KCNT1: variants seen among roughly 807,000 people sequenced by gnomAD.
The protein encoded by KCNT1 is potassium sodium-activated channel subfamily T member 1.
KCNT1 carries 78 observed loss-of-function variants against 147.8 expected under a neutral mutation model. The observed-to-expected ratio is 0.53, with a 90% confidence interval of 0.44 to 0.64. The LOEUF (loss-of-function observed/expected upper bound fraction) is 0.64, where lower values mean the gene tolerates loss of function less well. Among genes scored for constraint, KCNT1 ranks in the 30% least tolerant of loss-of-function variants. KCNT1 has a pLI of 0.00. For synonymous variants in KCNT1, 867 were observed against 748.8 expected (o/e 1.16, Z -2.58); for missense variants, 1,419 against 1,750.3 (o/e 0.81, Z 3.38).
At chr9:135,780,559 G>A (rs781257124) in intron 24 of KCNT1, among the ~76,000 whole-genome samples, 24 of 152,352 alleles carry the variant, frequency 1.6e-4, no homozygotes, top group Non-Finnish European at 3.1e-4. Flanking sequence ...GCCGGGCTGG[G>A]CAGCCACCAG....
At chr9:135,790,719 A>AG (rs1382574132) in intron 29 of KCNT1, 1 of 152,334 alleles carries the variant, frequency 6.6e-6, no homozygotes, top group Non-Finnish European at 1.5e-5. Context: ...GGCAGAGAGG[A>AG]GGGAATGGCA....
chr9:135,726,954 A>C (rs1050319523), intron 2 of KCNT1, among the ~76,000 whole-genome samples: 2 of 1,712 alleles, frequency 1.2e-3, no homozygotes, highest in African/African-American at 2.9e-3. Flanking sequence ...TCTCTTTCCC[A>C]TTCTCCCTCT....
intron 2 of KCNT1, among the ~76,000 whole-genome samples, chr9:135,745,253 C>G (rs1830768415): frequency 6.6e-6 from 1 of 152,246 alleles, no homozygotes; most frequent in Non-Finnish European, 1.5e-5. Flanking sequence ...GCAGGTTCTT[C>G]CTAGCCCTGT....
In KCNT1 at chr9:135,751,048, C is replaced by A; in HGVS notation, c.434+7C>A. ...CGGCCCTGGGCATCGGATGGTGGGC[C>A]ACGTGCGCGGCCGGGCGCGGGGTCC... is the stretch of plus-strand genomic sequence containing the variant. On this transcript the variant is annotated splice_region_variant and intron_variant, in intron 4 of 30. Transcript: ENST00000371757. The A allele has an allele frequency of 6.2e-7, 1 of 1,608,636 alleles. No homozygotes were observed.
intron 18 of KCNT1, among the ~76,000 whole-genome samples, chr9:135,771,737 G>A (rs1832776590): frequency 6.6e-6 from 1 of 152,206 alleles, no homozygotes; most frequent in African/African-American, 2.4e-5. Context: ...GAGGCCCATG[G>A]CCCCTAGGGC....
At chr9:135,741,665 AG>A (rs1040321805) in intron 2 of KCNT1, among the ~76,000 whole-genome samples, 9 of 152,064 alleles carry the variant, frequency 5.9e-5, no homozygotes, top group Admixed American at 5.2e-4. Context: ...TGCTAGGGCT[AG>A]GGGCACCAGG....
chr9:135,783,919 C>T (rs570565594), intron 24 of KCNT1, 105 bp from the exon 25 acceptor site: 53 of 786,004 alleles, frequency 6.7e-5, no homozygotes, highest in East Asian at 6.6e-4. Flanking sequence ...ACACAGGTAT[C>T]ATGCACACAT....
chr9:135,702,347 A>G lies in KCNT1; in HGVS notation c.89A>G (p.Asp30Gly). The change falls in exon 1 of 31, where the codon GAC (aspartate) becomes GGC (glycine). Residue 30 changes from aspartate to glycine, a missense_variant. Asp to Gly is a moderately conservative substitution (Grantham distance 94). This residue lies in a region of KCNT1 where 181 missense variants were observed against 155.7 expected (regional missense o/e 1.16). Coordinates refer to ENST00000371757, the MANE Select transcript of KCNT1 (RefSeq NM_020822.3). ...TACACCAACCGGACCTTCGAGTTTG[A>G]CGACGGCCAATGCGCCCCCAGGTAC... ...GGYTNRTFEFDDGQCAPRRPC... is the reference protein window; with the variant it reads ...GGYTNRTFEFGDGQCAPRRPC... 6.2e-7 allele frequency: 1 copy of G among 1,611,222 alleles called. No individual in the cohort carries two copies. Among genetic ancestry groups the G allele is most frequent in the African/African-American group, 1.3e-5 (1 of 74,818 alleles).
Position 135,765,120 on chromosome 9 carries a change from C to G in KCNT1, c.1125C>G (p.Val375=). The G allele has an allele frequency of 1.2e-6, 2 of 1,613,578 alleles. No homozygotes were observed. Among genetic ancestry groups the G allele is most frequent in the Non-Finnish European group, 1.7e-6 (2 of 1,179,964 alleles). The change falls in exon 12 of 31, where the codon GTC becomes GTG. Residue 375 remains valine, a synonymous_variant. Transcript: ENST00000371757. ...RHRAQTEKHV[V]LCVSSLKIDL... Reference sequence around the variant, plus strand: ...GTGCGCAGACGGAGAAGCACGTGGTCCTGTGTGTCAGCTCCCTCAAGATCG... The same window carrying G: ...GTGCGCAGACGGAGAAGCACGTGGTGCTGTGTGTCAGCTCCCTCAAGATCG...
Position 135,786,316 on chromosome 9 carries a change from C to CGCAGAG in KCNT1, c.3298_3303dup (p.Ala1100_Glu1101dup). On this transcript the variant is annotated inframe_insertion, in exon 29 of 31. Transcript: ENST00000371757. ...GCCGCCACACGGGCGGCGGTGACCC[C>CGCAGAG]GCAGAGCACCCACTGCTACGGCGCA... is the stretch of plus-strand genomic sequence containing the variant. 1 of 1,600,078 alleles carries CGCAGAG rather than the reference C, an allele frequency of 6.2e-7. No homozygotes were observed. Among genetic ancestry groups the CGCAGAG allele is most frequent in the Non-Finnish European group, 8.5e-7 (1 of 1,174,888 alleles).
Position 135,754,010 on chromosome 9 carries a change from G to C in KCNT1, c.491+17G>C. On this transcript the variant is annotated intron_variant, in intron 5 of 30. Coordinates refer to ENST00000371757, the MANE Select transcript of KCNT1 (RefSeq NM_020822.3). ...GATCAACTGGTGAGTCCACACTCCA[G>C]CTCCCAATAGCCAGGCGCTCAGAGG... is the stretch of plus-strand genomic sequence containing the variant. The C allele has an allele frequency of 1.2e-6, 2 of 1,612,634 alleles. No individual in the cohort carries two copies. Among genetic ancestry groups the C allele is most frequent in the East Asian group, 4.5e-5 (2 of 44,854 alleles).
At position 135,770,864 on chromosome 9, in the gene KCNT1, G is replaced by A. The variant is rs779590747; in HGVS notation, c.1777G>A (p.Val593Met). Residue 593 changes from valine to methionine, a missense_variant, in exon 18 of 31, where the codon GTG becomes ATG. Val to Met is a conservative substitution (Grantham distance 21). Transcript: ENST00000371757. ...AAFHAHKKYG[V>M]CLIGLKREDN... is the part of the protein sequence containing the mutation. The stretch of plus-strand genomic sequence containing the variant: ...GCCGGTGCCTCTGCCCAGGTATGGC[G>A]TGTGCCTCATCGGGCTGAAGCGGGA... 60 of 1,570,012 alleles carry A rather than the reference G, an allele frequency of 3.8e-5. No individual in the cohort carries two copies. The Admixed American group carries it at 6.8e-4, about 18-fold the overall frequency.
At chr9:135,778,046 C>G (rs1833311195) in intron 21 of KCNT1, among the ~76,000 whole-genome samples, 1 of 152,022 alleles carries the variant, frequency 6.6e-6, no homozygotes, top group Admixed American at 6.5e-5. Context: ...CCCTTTCCCC[C>G]TCCTCCCTTG....
chr9:135,740,519 A>G (rs960066449), intron 2 of KCNT1, among the ~76,000 whole-genome samples: 1 of 152,194 alleles, frequency 6.6e-6, no homozygotes, highest in Non-Finnish European at 1.5e-5. Context: ...GGCACAAGTC[A>G]AGTGGGGATG....
chr9:135,755,994 AC>A lies in KCNT1; in HGVS notation c.540+828del, dbSNP rs1831458907. ...CTGAGGACAAACCCAGCATTTACTG[AC>A]CCAGGGTCAGTAAATGCTGAGGACA... On this transcript the variant is annotated intron_variant, in intron 6 of 30. Transcript: ENST00000371757. Among the ~76,000 whole-genome samples the A allele has an allele frequency of 4.1e-5, 6 of 146,228 alleles. No individual in the cohort carries two copies. In the South Asian group the frequency reaches 1.3e-3, roughly 33 times the overall value.
Position 135,770,962 on chromosome 9 carries a change from CA to C in KCNT1, c.1877del (p.Asn626ThrfsTer103), listed in dbSNP as rs1832715527. ...LAASDTCFYI[N>X]ITKEENSAFI... ...CCGCCTCTGACACCTGCTTCTACAT[CA>C]ACATCACCAAGGAGGAGAACTCGGC... On this transcript the variant is annotated frameshift_variant, in exon 18 of 31. Transcript: ENST00000371757. LOFTEE classifies it high-confidence loss of function. 1.9e-6 allele frequency: 3 copies of C among 1,613,954 alleles called. No homozygotes were observed. The highest frequency in any genetic ancestry group is 1.7e-6 in the Non-Finnish European group (2 of 1,179,950).
chr9:135,762,146 A>G (rs941236394), intron 11 of KCNT1, among the ~76,000 whole-genome samples: 4 of 152,150 alleles, frequency 2.6e-5, no homozygotes, highest in African/African-American at 7.2e-5. Context: ...CCTTATCTCC[A>G]TTAAGAAGTA....
At chr9:135,735,357 G>A (rs1830291101) in intron 2 of KCNT1, among the ~76,000 whole-genome samples, 1 of 152,210 alleles carries the variant, frequency 6.6e-6, no homozygotes, top group African/African-American at 2.4e-5. Context: ...CTGTGCCTCA[G>A]CCTCCCTCGA....
intron 4 of KCNT1, 115 bp from the exon 5 acceptor site, chr9:135,753,822 G>A (rs1254228327): frequency 2.5e-5 from 26 of 1,034,520 alleles, no homozygotes; most frequent in Middle Eastern, 2.1e-4. Flanking sequence ...GGTTAGCCCC[G>A]GGTGGGTGAG....
Sources: gnomAD v4.1 joint callset for allele counts (sites outside exome capture counted in the v4.1 genomes callset) on GRCh38, gnomAD v4.1.1 for gene constraint, gnomAD v4.1.1 regional missense constraint, MANE v1.5 for transcripts, NCBI Gene and HGNC (gene_info 2026-07-23, HGNC 2026-07-21) for gene names.